The following BLTP1 variants were observed in gnomAD, a reference collection of about 807,000 sequenced individuals.
BLTP1 encodes bridge-like lipid transfer protein family member 1.
the BLTP1 span, chr4:122,201,810 T>C: frequency 1.1e-6 from 1 of 938,606 alleles, no homozygotes; most frequent in African/African-American, 1.8e-5. Context: ...TTTGCTTGAC[T>C]GCTTGCTACA....
the BLTP1 span, chr4:122,198,498 G>A: frequency 1.1e-6 from 1 of 937,884 alleles, no homozygotes; most frequent in Admixed American, 6.2e-5. Flanking sequence ...GATACACATA[G>A]GAAATAGTAT....
the BLTP1 span, chr4:122,272,167 G>A: frequency 1.2e-6 from 2 of 1,612,264 alleles, no homozygotes; most frequent in Non-Finnish European, 1.7e-6. Context: ...AAGGAGTTCG[G>A]AGCCCTACAG....
chr4:122,288,500 G>A, the BLTP1 span, among the ~76,000 whole-genome samples: 1 of 151,928 alleles, frequency 6.6e-6, no homozygotes, highest in African/African-American at 2.4e-5. Context: ...GGCCAACATG[G>A]TGAAACCCTA....
chr4:122,174,092 A>T, the BLTP1 span: 1 of 530,616 alleles, frequency 1.9e-6, no homozygotes, highest in Non-Finnish European at 2.4e-6. Flanking sequence ...GCCCTAAACC[A>T]GTGGGAGAAA....
chr4:122,170,543 T>C, the BLTP1 span: 12 of 1,400,378 alleles, frequency 8.6e-6, no homozygotes, highest in Non-Finnish European at 1.1e-5. Context: ...ATTCACCCTT[T>C]TTTTCCCTTA....
At chr4:122,264,511 T>C in the BLTP1 span, 1 of 1,289,686 alleles carries the variant, frequency 7.8e-7, no homozygotes, top group Non-Finnish European at 1.0e-6. Flanking sequence ...GTACGCACCT[T>C]GGAATTCTAG....
the BLTP1 span, chr4:122,201,157 G>A: frequency 6.6e-7 from 1 of 1,509,330 alleles, no homozygotes; most frequent in African/African-American, 1.4e-5. Flanking sequence ...AATACAGTGA[G>A]ATTTATCACA....
chr4:122,355,907 CAG>C, the BLTP1 span: 1 of 1,612,474 alleles, frequency 6.2e-7, no homozygotes, highest in Non-Finnish European at 8.5e-7. Flanking sequence ...AACCATGAAA[CAG>C]AGACTATCTT....
the BLTP1 span, chr4:122,336,143 A>G: frequency 2.0e-6 from 3 of 1,467,168 alleles, no homozygotes; most frequent in South Asian, 4.0e-5. Flanking sequence ...TTTCTGTTTA[A>G]TTGGAACTTT....
chr4:122,161,971 G>C, the BLTP1 span, among the ~76,000 whole-genome samples: 1 of 152,252 alleles, frequency 6.6e-6, no homozygotes, highest in Non-Finnish European at 1.5e-5. Flanking sequence ...GTCATTAGTG[G>C]GGGAGATACA....
chr4:122,217,579 G>T, the BLTP1 span, among the ~76,000 whole-genome samples: 1 of 152,048 alleles, frequency 6.6e-6, no homozygotes, highest in Admixed American at 6.6e-5. Flanking sequence ...CTTGATCATG[G>T]TGAATTATCT....
the BLTP1 span, chr4:122,325,483 T>G: frequency 1.0e-6 from 1 of 984,794 alleles, no homozygotes; most frequent in Non-Finnish European, 1.2e-6. Flanking sequence ...GGCACTGCCC[T>G]TATAACATTT....
At chr4:122,265,261 A>G in the BLTP1 span, among the ~76,000 whole-genome samples, 1 of 152,230 alleles carries the variant, frequency 6.6e-6, no homozygotes, top group African/African-American at 2.4e-5. Context: ...ACATACATAC[A>G]TCCTTCTGTA....
At chr4:122,255,252 C>A in the BLTP1 span, 17 of 1,607,630 alleles carry the variant, frequency 1.1e-5, no homozygotes, top group Non-Finnish European at 5.1e-6. Context: ...CTGCACCAGG[C>A]AAATTACTCC....
chr4:122,244,657 T>C, the BLTP1 span: 1 of 981,948 alleles, frequency 1.0e-6, no homozygotes, highest in Non-Finnish European at 1.2e-6. Flanking sequence ...AAACGAGCTT[T>C]CATGAAAATC....
chr4:122,264,367 T>C, the BLTP1 span: 3 of 1,611,642 alleles, frequency 1.9e-6, no homozygotes, highest in East Asian at 2.2e-5. Flanking sequence ...GTCAGGATGA[T>C]GTGGCAGGTG....
chr4:122,211,247 T>C, the BLTP1 span: 7 of 670,714 alleles, frequency 1.0e-5, no homozygotes, highest in Non-Finnish European at 1.7e-5. Flanking sequence ...GGTGCTAGAC[T>C]CAATTACAAA....
At chr4:122,340,629 A>G in the BLTP1 span, 4 of 646,230 alleles carry the variant, frequency 6.2e-6, no homozygotes, top group Non-Finnish European at 7.7e-6. Flanking sequence ...TGAATCTTTG[A>G]AAGTTTTCAC....
At chr4:122,320,249 A>G in the BLTP1 span, among the ~76,000 whole-genome samples, 1 of 152,052 alleles carries the variant, frequency 6.6e-6, no homozygotes, top group Admixed American at 6.6e-5. Flanking sequence ...CCTGGGCTCA[A>G]GCAATCCTCC....
Sources: gnomAD v4.1 joint callset for allele counts (sites outside exome capture counted in the v4.1 genomes callset) on GRCh38, gnomAD v4.1.1 for gene constraint, MANE v1.5 for transcripts, NCBI Gene and HGNC (gene_info 2026-07-23, HGNC 2026-07-21) for gene names.